The following ASPSCR1 variants were observed in gnomAD, a reference collection of about 807,000 sequenced individuals.
ASPSCR1 encodes the protein tether containing UBX domain for GLUT4.
Under a neutral mutation model 68.9 loss-of-function variants are expected in ASPSCR1, and 55 were observed. The observed-to-expected ratio is 0.80, with a 90% CI of 0.64 to 1.00. The LOEUF (loss-of-function observed/expected upper bound fraction) is 1.00, where lower values mean the gene tolerates loss of function less well. ASPSCR1 is among the 50% of genes least tolerant of loss of function. The probability of loss-of-function intolerance (pLI) is 0.00; values close to 1 mark genes in which losing one functional copy is unlikely to be tolerated. For synonymous variants in ASPSCR1, 352 were observed against 332.6 expected (o/e 1.06, Z -0.63); for missense variants, 765 against 762.2 (o/e 1.00, Z -0.04).
Position 81,986,711 on chromosome 17 carries a change from C to T in ASPSCR1, c.374+1104C>T, listed in dbSNP as rs906585686. Among the ~76,000 whole-genome samples the T allele has an allele frequency of 4.6e-5, 7 of 152,218 alleles. No individual in the cohort carries two copies. Among genetic ancestry groups the T allele is most frequent in the African/African-American group, 1.7e-4 (7 of 41,464 alleles). On this transcript the variant is annotated intron_variant, in intron 4 of 15. Coordinates refer to ENST00000306739, the MANE Select transcript of ASPSCR1 (RefSeq NM_024083.4). This position sits in a 1 kb window ranked among gnomAD's most constrained non-coding sequence, Gnocchi z 5.2. Reference sequence around the variant, plus strand: ...TGGGGTGAGTTCATGTCTTGAGGACCGAGCATAGGGCCTGTGGGAAGGTGA... The same window carrying T: ...TGGGGTGAGTTCATGTCTTGAGGACTGAGCATAGGGCCTGTGGGAAGGTGA...
intron 4 of ASPSCR1, among the ~76,000 whole-genome samples, chr17:81,992,184 C>A (rs117574737): frequency 0.024 from 3,630 of 152,346 alleles, 45 homozygotes; most frequent in East Asian, 0.037. Context: ...CCTGGGGTCC[C>A]CGGGAGGCCC....
intron 3 of ASPSCR1, among the ~76,000 whole-genome samples, chr17:81,984,935 A>C (rs1417657061): frequency 2.7e-5 from 2 of 73,178 alleles, no homozygotes; most frequent in Admixed American, 1.9e-4. Flanking sequence ...ACACCCCCAC[A>C]CCCGCACACA....
chr17:82,007,594 G>T (rs1053343308), intron 7 of ASPSCR1: 1 of 152,256 alleles, frequency 6.6e-6, no homozygotes, highest in Non-Finnish European at 1.5e-5. Context: ...CTGGTGGTCA[G>T]GCTCAGTACG....
chr17:82,004,391 TGGC>T (rs944536417), intron 7 of ASPSCR1: 1 of 152,270 alleles, frequency 6.6e-6, no homozygotes, highest in African/African-American at 2.4e-5. Context: ...GTCCGGTCCT[TGGC>T]GGCCCTCCTG....
At position 81,990,143 on chromosome 17, in the gene ASPSCR1, A is replaced by T. The variant is rs1444095368; in HGVS notation, c.374+4536A>T. On this transcript the variant is annotated intron_variant, in intron 4 of 15. Coordinates refer to ENST00000306739, the MANE Select transcript of ASPSCR1 (RefSeq NM_024083.4). The surrounding 1 kb of genome is among the most constrained non-coding windows in gnomAD (Gnocchi z 4.1). The stretch of plus-strand genomic sequence containing the variant: ...AACAGGTGTCATTAATTTTAGTAAT[A>T]CGTGTAGTTAACTCAGTATACCCAA... 6.6e-6 allele frequency among the ~76,000 whole-genome samples: 1 copy of T among 152,212 alleles called. No homozygotes were observed.
At chr17:81,997,159 C>T (rs1232871544) in intron 7 of ASPSCR1, among the ~76,000 whole-genome samples, 1 of 39,908 alleles carries the variant, frequency 2.5e-5, no homozygotes, top group Non-Finnish European at 5.5e-5. Context: ...GGCTCCATGA[C>T]AAGGCGGCAA....
intron 9 of ASPSCR1, 21 bp downstream of exon 9, chr17:82,009,588 G>A (rs1319165868): frequency 1.9e-6 from 3 of 1,560,390 alleles, no homozygotes; most frequent in Admixed American, 3.8e-5. Flanking sequence ...AGGATGTGGG[G>A]GCGACTGAGG....
In ASPSCR1 at chr17:82,009,157, G is replaced by C. The variant is rs749871516; in HGVS notation, c.1054G>C (p.Val352Leu). Reference protein sequence around the residue: ...DEFFELTVDDVRRRLAQLKSE... With the variant: ...DEFFELTVDDLRRRLAQLKSE... ...GTTCTTTGAGCTGACGGTGGACGAC[G>C]TGAGAAGACGCTTGGCCCAGCTCAA... is the stretch of plus-strand genomic sequence containing the variant. The change falls in exon 8 of 16, where the codon GTG becomes CTG. Residue 352 changes from valine to leucine, a missense_variant. Physicochemically the swap from Val to Leu is conservative, Grantham distance 32 (BLOSUM62 1). Transcript: ENST00000306739. The C allele has an allele frequency of 7.5e-6, 12 of 1,610,714 alleles. No homozygotes were observed. In the African/African-American group the frequency reaches 1.1e-4, roughly 14 times the overall value.
At chr17:81,989,806 ACT>A (rs911804082) in intron 4 of ASPSCR1, among the ~76,000 whole-genome samples, 1 of 152,058 alleles carries the variant, frequency 6.6e-6, no homozygotes, top group Non-Finnish European at 1.5e-5. Context: ...CATGGAGGTG[ACT>A]CACATTTTCT....
chr17:82,015,530 G>C, intron 12 of ASPSCR1: 1 of 847,556 alleles, frequency 1.2e-6, no homozygotes, highest in Non-Finnish European at 1.8e-6. Context: ...TGGGGGCTAT[G>C]ATGAGAACCA....
At chr17:82,013,003 G>C (rs1199396735) in intron 12 of ASPSCR1, 1 of 152,330 alleles carries the variant, frequency 6.6e-6, no homozygotes. Flanking sequence ...CACAGAGGCG[G>C]GTTTTTTTTT....
rs534604496 is a variant in ASPSCR1, at chr17:82,003,266, C to T, written c.934-5771C>T. On this transcript the variant is annotated intron_variant, in intron 7 of 15. Transcript: ENST00000306739. ...TTTTAGACCAGCCTGGGCAACATAA[C>T]GAGACCCCATCTCTACAAAGGAAAT... Among the ~76,000 whole-genome samples the T allele has an allele frequency of 1.4e-4, 22 of 152,300 alleles. No individual in the cohort carries two copies. The South Asian group carries it at 4.3e-3, about 30-fold the overall frequency.
rs189420247 is a variant in ASPSCR1 at position 82,011,649 on chromosome 17, G to T, written c.1300+44G>T. ...GCCCACTCCTGCCTCCAGTGCTCGG[G>T]GCCTTGGTGCTGTGGGCACACCGCC... is the stretch of plus-strand genomic sequence containing the variant. On this transcript the variant is annotated intron_variant, in intron 11 of 15. Coordinates refer to ENST00000306739, the MANE Select transcript of ASPSCR1 (RefSeq NM_024083.4). The T allele has an allele frequency of 4.7e-4, 754 of 1,592,870 alleles. 6 individuals are homozygous for T. In the African/African-American group the frequency reaches 9.1e-3, roughly 19 times the overall value.
intron 7 of ASPSCR1, 71 bp from the exon 8 acceptor site, chr17:82,008,966 G>A: frequency 7.0e-7 from 1 of 1,426,746 alleles, no homozygotes; most frequent in East Asian, 2.7e-5. Context: ...CCTCGGCTGG[G>A]GCACTGACAG....
chr17:82,012,935 C>T (rs770752712), intron 12 of ASPSCR1: 1 of 153,354 alleles, frequency 6.5e-6, no homozygotes, highest in East Asian at 1.9e-4. Context: ...TGGGGCCTTC[C>T]GAAGCCCTCT....
chr17:82,010,399 C>T lies in ASPSCR1; in HGVS notation c.1171-403C>T, dbSNP rs529325253. ...AAAAAATTAGTCAGGAGAGGTGGCG[C>T]ACGCCTGTAGTCCCAGCTGCTCGGG... On this transcript the variant is annotated intron_variant, in intron 9 of 15. Transcript: ENST00000306739. Among the ~76,000 whole-genome samples the T allele has an allele frequency of 3.3e-5, 5 of 151,686 alleles. No individual in the cohort carries two copies. In the East Asian group the frequency reaches 9.8e-4, roughly 30 times the overall value.
At chr17:81,979,289 G>C in intron 2 of ASPSCR1, 50 bp downstream of exon 2, 1 of 1,583,624 alleles carries the variant, frequency 6.3e-7, no homozygotes, top group Non-Finnish European at 8.7e-7. Context: ...CTGTGCCCCT[G>C]CCCCCTGAAC....
chr17:82,011,611 T>G lies in ASPSCR1; in HGVS notation c.1300+6T>G, dbSNP rs1369001635. 12 of 1,601,648 alleles carry G rather than the reference T, an allele frequency of 7.5e-6. No individual in the cohort carries two copies. The highest frequency in any genetic ancestry group is 1.0e-5 in the Non-Finnish European group (12 of 1,175,598). ...CGAGCTGTCATTTTACCTGTGTACGTTTTTTCTCCTGAGCCCACTCCTGCC... is the reference window on the plus strand; with the variant it reads ...CGAGCTGTCATTTTACCTGTGTACGGTTTTTCTCCTGAGCCCACTCCTGCC... On this transcript the variant is annotated splice_donor_region_variant and intron_variant, in intron 11 of 15. Coordinates refer to ENST00000306739, the MANE Select transcript of ASPSCR1 (RefSeq NM_024083.4).
Position 81,983,889 on chromosome 17 carries a change from G to A in ASPSCR1, c.273+221G>A, listed in dbSNP as rs536298255. 2.5e-4 allele frequency among the ~76,000 whole-genome samples: 37 copies of A among 150,026 alleles called. No individual in the cohort carries two copies. Among genetic ancestry groups the A allele is most frequent in the Admixed American group, 8.0e-4 (12 of 15,074 alleles). On this transcript the variant is annotated intron_variant, in intron 3 of 15. Transcript: ENST00000306739. This position sits in a 1 kb window ranked among gnomAD's most constrained non-coding sequence, Gnocchi z 4.4. Reference sequence around the variant, plus strand: ...TTTTTTTTTTTTGAGCTGGAGTCTCGCTCTGTCGCCCAGGCTGGAGCTCAG... The same window carrying A: ...TTTTTTTTTTTTGAGCTGGAGTCTCACTCTGTCGCCCAGGCTGGAGCTCAG...
Sources: gnomAD v4.1 joint callset for allele counts (sites outside exome capture counted in the v4.1 genomes callset) on GRCh38, gnomAD v4.1.1 for gene constraint, Gnocchi (gnomAD v3.1) non-coding constraint, MANE v1.5 for transcripts, NCBI Gene and HGNC (gene_info 2026-07-23, HGNC 2026-07-21) for gene names.